The following TTL variants were observed in gnomAD, a reference collection of about 807,000 sequenced individuals.
The protein encoded by TTL is tubulin tyrosine ligase.
Under a neutral mutation model 41.1 loss-of-function variants are expected in TTL, and 10 were observed. That is an observed-to-expected ratio of 0.24 (90% CI 0.15 to 0.41). The LOEUF (loss-of-function observed/expected upper bound fraction) is 0.41. TTL is among the 10% of genes least tolerant of loss of function. The probability of loss-of-function intolerance (pLI) is 1.00; values close to 1 mark genes in which losing one functional copy is unlikely to be tolerated. For missense variants in TTL, 367 were observed against 460.4 expected, an observed-to-expected ratio of 0.80 and a Z score of 1.86; for synonymous variants, 175 against 175.5, an observed-to-expected ratio of 1.00 and a Z score of 0.02.
chr2:112,521,183 A>G (rs1682216468), intron 6 of TTL: 8 of 985,340 alleles, frequency 8.1e-6, no homozygotes, highest in African/African-American at 1.7e-5. Flanking sequence ...AAAGAGGTGC[A>G]GCGTCCTGTG....
intron 5 of TTL, among the ~76,000 whole-genome samples, chr2:112,511,161 C>T (rs754335155): frequency 6.6e-6 from 1 of 151,974 alleles, no homozygotes; most frequent in Non-Finnish European, 1.5e-5. Context: ...TGCATGCCAC[C>T]AAACCCACCT....
intron 1 of TTL, among the ~76,000 whole-genome samples, chr2:112,484,991 C>G (rs759426901): frequency 6.6e-6 from 1 of 152,112 alleles, no homozygotes; most frequent in Non-Finnish European, 1.5e-5. Context: ...GCTCTGTCGC[C>G]CAGGCTGGAG....
chr2:112,487,747 A>G (rs116337377), intron 2 of TTL, among the ~76,000 whole-genome samples: 1 of 152,302 alleles, frequency 6.6e-6, no homozygotes, highest in South Asian at 2.1e-4. Flanking sequence ...GACATGACCT[A>G]TGCAGGCTGG....
intron 3 of TTL, among the ~76,000 whole-genome samples, chr2:112,495,708 G>A (rs1681505720): frequency 6.6e-6 from 1 of 152,162 alleles, no homozygotes; most frequent in Non-Finnish European, 1.5e-5. Flanking sequence ...TTAGCTGGGT[G>A]TGGTGGCGGG....
intron 3 of TTL, among the ~76,000 whole-genome samples, chr2:112,495,039 C>G (rs1403035935): frequency 6.6e-6 from 1 of 152,186 alleles, no homozygotes; most frequent in Non-Finnish European, 1.5e-5. Flanking sequence ...TAATGGTAGC[C>G]TGCACCATTT....
chr2:112,499,003 G>A (rs1293900304), intron 3 of TTL, among the ~76,000 whole-genome samples: 1 of 151,512 alleles, frequency 6.6e-6, no homozygotes, highest in Non-Finnish European at 1.5e-5. Flanking sequence ...ATACACTGTA[G>A]TATTCATGAA....
rs191155437 is a variant in TTL at position 112,496,478 on chromosome 2, A to C, written c.469+2103A>C. On this transcript the variant is annotated intron_variant, in intron 3 of 6. Transcript: ENST00000233336. ...CTACTGTTTACCATGTCCACTGCCT[A>C]TTTCTAATCTAGCCACCTTCACCTC... 1.3e-4 allele frequency among the ~76,000 whole-genome samples: 20 copies of C among 152,154 alleles called. 1 individual carries two copies. Among genetic ancestry groups the C allele is most frequent in the African/African-American group, 4.8e-4 (20 of 41,520 alleles).
intron 5 of TTL, among the ~76,000 whole-genome samples, chr2:112,511,742 T>C (rs562427030): frequency 1.7e-4 from 25 of 151,292 alleles, no homozygotes; most frequent in African/African-American, 6.1e-4. Context: ...TTTTTGTATT[T>C]TTTTTTTTTG....
chr2:112,489,270 T>C (rs2104448256), intron 2 of TTL, among the ~76,000 whole-genome samples: 1 of 152,314 alleles, frequency 6.6e-6, no homozygotes, highest in East Asian at 1.9e-4. Flanking sequence ...AACAGTAAAT[T>C]TTCATTGGAA....
chr2:112,517,451 G>A (rs1372517513), intron 5 of TTL, among the ~76,000 whole-genome samples: 1 of 151,740 alleles, frequency 6.6e-6, no homozygotes, highest in Non-Finnish European at 1.5e-5. Flanking sequence ...GTTTCACCAT[G>A]TTGGCTAGGC....
intron 5 of TTL, among the ~76,000 whole-genome samples, chr2:112,514,358 G>T (rs1682010901): frequency 6.6e-6 from 1 of 150,760 alleles, no homozygotes; most frequent in South Asian, 2.1e-4. Flanking sequence ...CTCCAGCCTG[G>T]GTGACAGAGC....
Position 112,523,337 on chromosome 2 carries a change from GGTGTGTGTGTGTCTGTGTGT to G in TTL, c.1019+2925_1019+2944del, listed in dbSNP as rs1422400228. 3.2e-5 allele frequency among the ~76,000 whole-genome samples: 3 copies of G among 93,350 alleles called. No individual in the cohort carries two copies. The East Asian group carries it at 9.8e-4, about 30-fold the overall frequency. 61.2% of individuals were successfully genotyped at this position (93,350 alleles called of 152,430 possible). On this transcript the variant is annotated intron_variant, in intron 6 of 6. Coordinates refer to ENST00000233336, the MANE Select transcript of TTL (RefSeq NM_153712.5). ...AACTCATCAGAAGAAACTGTCTGTG[GGTGTGTGTGTGTCTGTGTGT>G]GTGTGTGTGTGTGTGTATCCGCCCC...
intron 5 of TTL, among the ~76,000 whole-genome samples, chr2:112,515,603 T>A (rs1682046512): frequency 6.6e-6 from 1 of 152,144 alleles, no homozygotes; most frequent in East Asian, 1.9e-4. Flanking sequence ...CATAAAAATA[T>A]AAAACATTTA....
intron 6 of TTL, chr2:112,521,371 A>G (rs1259123779): frequency 2.0e-6 from 2 of 985,118 alleles, no homozygotes; most frequent in East Asian, 2.3e-4. Context: ...GGAAGGCCTT[A>G]CGTGTCAGGG....
Position 112,494,250 on chromosome 2 carries a change from G to A in TTL, c.344G>A (p.Gly115Glu). The change falls in exon 3 of 7, where the codon GGA (glycine) becomes GAA (glutamate). Residue 115 changes from glycine (G) to glutamate (E), a missense_variant. Coordinates refer to ENST00000233336, the MANE Select transcript of TTL (RefSeq NM_153712.5). ...ACTCCAGTTGCTCCAGCACAGAATGGAATTCAGCCACCAATCAGTAACTCA... is the reference window on the plus strand; with the variant it reads ...ACTCCAGTTGCTCCAGCACAGAATGAAATTCAGCCACCAATCAGTAACTCA... ...LKTPVAPAQN[G>E]IQPPISNSRT... 6.2e-7 allele frequency: 1 copy of A among 1,614,160 alleles called. No homozygotes were observed. The highest frequency in any genetic ancestry group is 8.5e-7 in the Non-Finnish European group (1 of 1,180,038).
Position 112,530,823 on chromosome 2 carries a change from T to C in TTL, c.*2028T>C. 5.2e-6 allele frequency: 1 copy of C among 190,636 alleles called. No individual in the cohort carries two copies. The highest frequency in any genetic ancestry group is 1.1e-5 in the Non-Finnish European group (1 of 90,844). 11.8% of individuals were successfully genotyped at this position (190,636 alleles called of 1,614,324 possible). A position where few individuals can be genotyped will look rare whatever the true frequency, so the allele number is the denominator to read the frequency against. ...GCATATATAAGAGGGAAGTAAGACT[T>C]TTAAGAAAAGAAAAAGTTATGCCTC... On this transcript the variant is annotated 3_prime_UTR_variant, in exon 7 of 7. Transcript: ENST00000233336.
Position 112,541,105 on chromosome 2 carries a change from T to C in TTL, c.*12310T>C, listed in dbSNP as rs1682719888. The stretch of plus-strand genomic sequence containing the variant: ...TATGCCTATATGAAAACATCTCATA[T>C]ACCTCATAAATATGCTAATTATGTA... On this transcript the variant is annotated 3_prime_UTR_variant, in exon 7 of 7. Coordinates refer to ENST00000233336, the MANE Select transcript of TTL (RefSeq NM_153712.5). The C allele has an allele frequency of 6.6e-6, 1 of 152,224 alleles. No individual in the cohort carries two copies. The highest frequency in any genetic ancestry group is 2.4e-5 in the African/African-American group (1 of 41,458). The allele number at this position is 152,224 out of a possible 1,614,324, so 9.4% of individuals were successfully genotyped here. A position where few individuals can be genotyped will look rare whatever the true frequency, so the allele number is the denominator to read the frequency against.
At chr2:112,496,067 T>G (rs1201583838) in intron 3 of TTL, among the ~76,000 whole-genome samples, 1 of 152,136 alleles carries the variant, frequency 6.6e-6, no homozygotes, top group East Asian at 1.9e-4. Context: ...TGTGACCTTT[T>G]CTCAACTACT....
intron 5 of TTL, among the ~76,000 whole-genome samples, chr2:112,515,551 G>T (rs1682044580): frequency 6.6e-6 from 1 of 152,108 alleles, no homozygotes; most frequent in African/African-American, 2.4e-5. Flanking sequence ...GTACAGTCTG[G>T]TGAGTTTTCA....
Sources: allele counts gnomAD v4.1 joint callset (sites outside exome capture counted in the v4.1 genomes callset), GRCh38; gene constraint gnomAD v4.1.1; transcripts MANE v1.5; gene names NCBI Gene and HGNC (gene_info 2026-07-23, HGNC 2026-07-21).